Variants in PZP observed in about 807,000 individuals in gnomAD.
The protein encoded by PZP is PZP alpha-2-macroglobulin like, also known as pregnancy zone protein.
Under a neutral mutation model 179.8 loss-of-function variants are expected in PZP, and 150 were observed. The observed-to-expected ratio is 0.83, with a 90% CI of 0.73 to 0.96. The LOEUF is 0.96. Among genes scored for constraint, PZP ranks in the 40% least tolerant of loss-of-function variants. PZP has a pLI of 0.00. For missense variants in PZP, 1,689 were observed against 1,764.0 expected, an observed-to-expected ratio of 0.96 and a Z score of 0.76; for synonymous variants, 624 against 652.3, an observed-to-expected ratio of 0.96 and a Z score of 0.66.
Position 9,182,082 on chromosome 12 carries a change from A to G in PZP, c.1582T>C (p.Ser528Pro), listed in dbSNP as rs1411006738. 1 of 1,613,440 alleles carries G rather than the reference A, an allele frequency of 6.2e-7. No homozygotes were observed. Among genetic ancestry groups the G allele is most frequent in the Non-Finnish European group, 8.5e-7 (1 of 1,179,752 alleles). Residue 528 changes from serine (S) to proline (P), a missense_variant, in exon 14 of 36, where the codon TCA (serine) becomes CCA (proline). Ser to Pro is a moderately conservative substitution (Grantham distance 74). Transcript: ENST00000261336. ...GSFALSFPVE[S>P]DVAPIARMFI... ...ATTCGTGCAATGGGGGCAACGTCTG[A>G]CTCCACAGGGAAGGATAAGGCAAAA...
the PZP span, among the ~76,000 whole-genome samples, chr12:9,138,627 C>G: frequency 6.6e-6 from 1 of 151,908 alleles, no homozygotes; most frequent in Non-Finnish European, 1.5e-5. Context: ...CTATCTGATC[C>G]TGGGTTTTTA....
rs187837869 is a variant in PZP, at chr12:9,203,318, T to C, written c.267+450A>G. Among the ~76,000 whole-genome samples, 310 of 151,194 alleles carry C rather than the reference T, an allele frequency of 2.1e-3. 2 individuals are homozygous for C. Among genetic ancestry groups the C allele is most frequent in the African/African-American group, 7.2e-3 (297 of 41,240 alleles). Reference sequence around the variant, plus strand: ...AAAACTCACTATTTTTAGTCCTTTCTGAAGTCCTAACTACATTCCTTTTTT... The same window carrying C: ...AAAACTCACTATTTTTAGTCCTTTCCGAAGTCCTAACTACATTCCTTTTTT... On this transcript the variant is annotated intron_variant, in intron 2 of 35. Transcript: ENST00000261336.
chr12:9,200,680 A>G (rs1944103703), intron 6 of PZP, among the ~76,000 whole-genome samples: 1 of 152,190 alleles, frequency 6.6e-6, no homozygotes, highest in African/African-American at 2.4e-5. Context: ...TCACTGAAAC[A>G]AGAAGTTTCA....
chr12:9,205,984 A>G (rs1371906039), intron 1 of PZP, among the ~76,000 whole-genome samples: 1 of 152,094 alleles, frequency 6.6e-6, no homozygotes, highest in Non-Finnish European at 1.5e-5. Flanking sequence ...CTCCAGGGCC[A>G]CTCTGAAATC....
At chr12:9,144,629 C>T (rs777069276), downstream of PZP, among the ~76,000 whole-genome samples, 1 of 152,060 alleles carries the variant, frequency 6.6e-6, no homozygotes, top group African/African-American at 2.4e-5. Flanking sequence ...TTAGTCAGGA[C>T]CACTCTCTCT....
chr12:9,171,064 G>A (rs999370581), intron 15 of PZP, among the ~76,000 whole-genome samples: 19 of 152,188 alleles, frequency 1.2e-4, no homozygotes, highest in African/African-American at 4.6e-4. Context: ...ACCTCCCAAT[G>A]AGGGTCTCCA....
downstream of PZP, among the ~76,000 whole-genome samples, chr12:9,145,321 C>T (rs900963538): frequency 1.3e-5 from 2 of 152,006 alleles, no homozygotes; most frequent in Admixed American, 1.3e-4. Flanking sequence ...TTTTAAATCT[C>T]TGTCTTTTGT....
At chr12:9,167,896 A>T (rs894481379) in intron 17 of PZP, among the ~76,000 whole-genome samples, 3 of 152,040 alleles carry the variant, frequency 2.0e-5, no homozygotes, top group African/African-American at 7.2e-5. Context: ...TATTCTCGTT[A>T]TTTATATAAC....
At position 9,167,735 on chromosome 12, in the gene PZP, T is replaced by C. The variant is rs1245503238; in HGVS notation, c.2107+1134A>G. Among the ~76,000 whole-genome samples, 4 of 152,314 alleles carry C rather than the reference T, an allele frequency of 2.6e-5. 1 individual carries two copies. In the East Asian group the frequency reaches 7.7e-4, roughly 29 times the overall value. Reference sequence around the variant, plus strand: ...TGTATTCATCACACATTTTAGAAGCTCTTTTTTTCCTGAGTGTTATTATAT... The same window carrying C: ...TGTATTCATCACACATTTTAGAAGCCCTTTTTTTCCTGAGTGTTATTATAT... On this transcript the variant is annotated intron_variant, in intron 17 of 35. Transcript: ENST00000261336.
intron 22 of PZP, 39 bp from the exon 23 acceptor site, chr12:9,161,155 A>G (rs1941175417): frequency 6.9e-7 from 1 of 1,446,220 alleles, no homozygotes; most frequent in African/African-American, 1.4e-5. Flanking sequence ...GAGGACATCT[A>G]TGATTACAAT....
chr12:9,203,364 C>T (rs1424064229), intron 2 of PZP, among the ~76,000 whole-genome samples: 8 of 107,792 alleles, frequency 7.4e-5, no homozygotes, highest in African/African-American at 1.7e-4. Flanking sequence ...TTTTTTGAGA[C>T]GGAGTCTCGC....
Position 9,157,175 on chromosome 12 carries a change from C to G in PZP, c.3550G>C (p.Asp1184His), listed in dbSNP as rs915207257. The change falls in exon 28 of 36, where the codon GAC becomes CAC. Residue 1184 changes from aspartate to histidine, a missense_variant and splice_region_variant. Physicochemically the swap from Asp to His is moderately conservative, Grantham distance 81 (BLOSUM62 -1). Around this residue, in one of 3 missense-constraint regions of PZP, gnomAD observed 746 missense variants for 749.2 expected, o/e 1.00. Transcript: ENST00000261336. ...NSLDKEAVKE[D>H]NLVHWERPQR... ...AGCTCCCACTTATAAGTGCTCTCAC[C>G]TTCTTTCACAGCTTCCTTATCAAGT... is the stretch of plus-strand genomic sequence containing the variant. 13 of 1,612,150 alleles carry G rather than the reference C, an allele frequency of 8.1e-6. No individual in the cohort carries two copies. In the Admixed American group the frequency reaches 1.0e-4, roughly 12 times the overall value.
At position 9,152,293 on chromosome 12, in the gene PZP, G is replaced by A. The variant is rs373888309; in HGVS notation, c.4139C>T (p.Pro1380Leu). The change falls in exon 32 of 36, where the codon CCT becomes CTT. Residue 1380 changes from proline to leucine, a missense_variant. Physicochemically the swap from Pro to Leu is moderately conservative, Grantham distance 98. This residue lies in a region of PZP where 746 missense variants were observed against 749.2 expected (regional missense o/e 1.00). Coordinates refer to ENST00000261336, the MANE Select transcript of PZP (RefSeq NM_002864.3). ...SLTISYTGNR[P>L]ASNMVIVDVK... ...ATCAACAATCACCATATTGGAAGCA[G>A]GACGGTTTCCTGTGTAACTGTAGTG... 5 of 1,613,174 alleles carry A rather than the reference G, an allele frequency of 3.1e-6. No individual in the cohort carries two copies. The highest frequency in any genetic ancestry group is 1.3e-5 in the African/African-American group (1 of 74,880).
chr12:9,146,290 CT>C (rs1470853864), downstream of PZP, among the ~76,000 whole-genome samples: 10 of 151,400 alleles, frequency 6.6e-5, no homozygotes, highest in African/African-American at 2.4e-4. Flanking sequence ...TTTTCTTCTG[CT>C]TTATCTAGTT....
At chr12:9,143,576 T>C in the PZP span, among the ~76,000 whole-genome samples, 1 of 151,938 alleles carries the variant, frequency 6.6e-6, no homozygotes, top group East Asian at 1.9e-4. Context: ...ACAGGGAGGG[T>C]CAGGATCTTA....
At chr12:9,158,397 C>G in intron 26 of PZP, 23 bp downstream of exon 26, 2 of 1,613,326 alleles carry the variant, frequency 1.2e-6, no homozygotes, top group Non-Finnish European at 1.7e-6. Context: ...GTGTCAGGCT[C>G]AGAAGTTTGT....
chr12:9,168,641 T>A (rs1486929329), intron 17 of PZP: 1 of 439,116 alleles, frequency 2.3e-6, no homozygotes, highest in Non-Finnish European at 4.0e-6. Flanking sequence ...CAGAATCTTG[T>A]ATTTTATCTG....
At position 9,203,917 on chromosome 12, in the gene PZP, T is replaced by C. The variant is rs1944318248; in HGVS notation, c.118A>G (p.Thr40Ala). ...ACACAGCCCTTCTTAGGGGCCTCAG[T>C]GTGGAGCAGGGAGGGGACCAGCACC... ...YMVLVPSLLH[T>A]EAPKKGCVLL... The change falls in exon 2 of 36, where the codon ACT (threonine) becomes GCT (alanine). Residue 40 changes from threonine to alanine, a missense_variant. Physicochemically the swap from Thr to Ala is moderately conservative, Grantham distance 58. Transcript: ENST00000261336. 4 of 1,613,834 alleles carry C rather than the reference T, an allele frequency of 2.5e-6. No individual in the cohort carries two copies. Among genetic ancestry groups the C allele is most frequent in the South Asian group, 1.1e-5 (1 of 91,084 alleles).
intron 4 of PZP, among the ~76,000 whole-genome samples, chr12:9,201,639 T>C (rs1218698049): frequency 1.3e-5 from 2 of 152,154 alleles, no homozygotes; most frequent in African/African-American, 2.4e-5. Context: ...AAAATTCTCC[T>C]AGTGAATAAT....
Sources: allele counts gnomAD v4.1 joint callset (sites outside exome capture counted in the v4.1 genomes callset), GRCh38; gene constraint gnomAD v4.1.1; regional missense constraint gnomAD v4.1.1; transcripts MANE v1.5; gene names NCBI Gene and HGNC (gene_info 2026-07-23, HGNC 2026-07-21).